Variants in NKAIN2 observed in about 807,000 individuals in gnomAD.
NKAIN2 encodes sodium/potassium transporting ATPase interacting 2.
NKAIN2 carries 14 observed loss-of-function variants against 32.6 expected under a neutral mutation model. The observed-to-expected ratio is 0.43, with a 90% CI of 0.28 to 0.67. The LOEUF (loss-of-function observed/expected upper bound fraction) is 0.67. NKAIN2 is among the 30% of genes least tolerant of loss of function. The pLI, the probability that NKAIN2 is intolerant of heterozygous loss-of-function variation, is 0.17. For synonymous variants in NKAIN2, 80 were observed against 87.2 expected, an observed-to-expected ratio of 0.92 and a Z score of 0.46; for missense variants, 198 against 258.3, an observed-to-expected ratio of 0.77 and a Z score of 1.60.
At chr6:124,390,285 C>T (rs1350502556) in intron 3 of NKAIN2, among the ~76,000 whole-genome samples, 1 of 152,024 alleles carries the variant, frequency 6.6e-6, no homozygotes, top group Non-Finnish European at 1.5e-5. Flanking sequence ...ACTCAGGGAG[C>T]TTGGGACATG....
intron 2 of NKAIN2, among the ~76,000 whole-genome samples, chr6:124,330,502 T>C (rs1242737608): frequency 6.6e-6 from 1 of 152,176 alleles, no homozygotes; most frequent in African/African-American, 2.4e-5. Flanking sequence ...CCTGGTAGCC[T>C]TGTACCTCCA....
intron 1 of NKAIN2, among the ~76,000 whole-genome samples, chr6:123,916,019 G>T (rs1582772732): frequency 6.6e-6 from 1 of 152,194 alleles, no homozygotes; most frequent in Non-Finnish European, 1.5e-5. Context: ...ATTTCCCAAA[G>T]CTCTTTTTAA....
intron 4 of NKAIN2, among the ~76,000 whole-genome samples, chr6:124,767,757 G>A (rs1778575123): frequency 6.6e-6 from 1 of 151,940 alleles, no homozygotes; most frequent in Admixed American, 6.6e-5. Flanking sequence ...TAAGGGTGTG[G>A]TTTTCTGCTT....
intron 3 of NKAIN2, among the ~76,000 whole-genome samples, chr6:124,427,023 C>T (rs923670927): frequency 1.3e-5 from 2 of 152,054 alleles, no homozygotes; most frequent in African/African-American, 4.8e-5. Context: ...TTATCAGGAG[C>T]CTGGAAATGG....
In NKAIN2 at chr6:124,514,657, T is replaced by C. The variant is rs1221485647; in HGVS notation, c.274-143529T>C. Among the ~76,000 whole-genome samples, 5 of 151,684 alleles carry C rather than the reference T, an allele frequency of 3.3e-5. No homozygotes were observed. The East Asian group carries it at 9.7e-4, about 29-fold the overall frequency. ...CCCCAGATTCAGAAGGGTTCTCCAG[T>C]AAGTAGAAAGTTTCAAGGACTGACA... On this transcript the variant is annotated intron_variant, in intron 3 of 6. Transcript: ENST00000368417.
intron 3 of NKAIN2, among the ~76,000 whole-genome samples, chr6:124,642,694 T>A (rs1397784239): frequency 6.6e-6 from 1 of 152,186 alleles, no homozygotes; most frequent in Admixed American, 6.5e-5. Context: ...TCATCATGGA[T>A]TTTCCTATTT....
intron 4 of NKAIN2, among the ~76,000 whole-genome samples, chr6:124,660,535 A>G (rs555985061): frequency 3.9e-5 from 6 of 152,334 alleles, no homozygotes; most frequent in Non-Finnish European, 7.3e-5. Flanking sequence ...ATTGCTAAGA[A>G]CAGATGTGAC....
At chr6:123,967,394 G>A in intron 1 of NKAIN2, among the ~76,000 whole-genome samples, 1 of 152,200 alleles carries the variant, frequency 6.6e-6, no homozygotes, top group East Asian at 1.9e-4. Context: ...AGTTCACTGG[G>A]AAGCCAGCTA....
At chr6:124,099,354 G>A (rs1784780190) in intron 1 of NKAIN2, among the ~76,000 whole-genome samples, 1 of 152,136 alleles carries the variant, frequency 6.6e-6, no homozygotes, top group African/African-American at 2.4e-5. Flanking sequence ...GCTTCTAGAT[G>A]TTAAAAATGT....
intron 1 of NKAIN2, among the ~76,000 whole-genome samples, chr6:123,990,469 T>A (rs148560835): frequency 2.0e-4 from 30 of 152,278 alleles, no homozygotes; most frequent in Non-Finnish European, 3.5e-4. Context: ...TAAAACCAGA[T>A]TAGGAGGTTA....
chr6:124,548,203 TATAA>T (rs1209237751), intron 3 of NKAIN2, among the ~76,000 whole-genome samples: 5 of 152,200 alleles, frequency 3.3e-5, no homozygotes, highest in African/African-American at 9.6e-5. Context: ...AGGAATAAAG[TATAA>T]ATAATCTCAT....
At chr6:124,402,826 A>G (rs1162789685) in intron 3 of NKAIN2, among the ~76,000 whole-genome samples, 1 of 152,190 alleles carries the variant, frequency 6.6e-6, no homozygotes, top group Non-Finnish European at 1.5e-5. Context: ...AAGGAAGGTA[A>G]AGGTGGAAAA....
At chr6:124,743,625 T>C (rs1180109981) in intron 4 of NKAIN2, among the ~76,000 whole-genome samples, 1 of 151,864 alleles carries the variant, frequency 6.6e-6, no homozygotes, top group East Asian at 1.9e-4. Context: ...CTCTGAGATA[T>C]GTGCAAAGCT....
At chr6:124,509,036 C>G (rs763363668) in intron 3 of NKAIN2, among the ~76,000 whole-genome samples, 9 of 152,172 alleles carry the variant, frequency 5.9e-5, no homozygotes, top group Non-Finnish European at 1.0e-4. Context: ...TGCCCTGCGG[C>G]TTAGGACTTC....
chr6:124,412,759 C>G (rs1380072946), intron 3 of NKAIN2, among the ~76,000 whole-genome samples: 2 of 152,134 alleles, frequency 1.3e-5, no homozygotes, highest in African/African-American at 2.4e-5. Flanking sequence ...TTGTCTGTGC[C>G]CTGCCCCCAG....
At chr6:124,644,254 C>T (rs1474581395) in intron 3 of NKAIN2, among the ~76,000 whole-genome samples, 1 of 152,082 alleles carries the variant, frequency 6.6e-6, no homozygotes, top group Non-Finnish European at 1.5e-5. Context: ...GATTTTTTAT[C>T]ACTATGCTGA....
chr6:124,289,258 A>C (rs979151390), intron 2 of NKAIN2, among the ~76,000 whole-genome samples: 17 of 152,254 alleles, frequency 1.1e-4, no homozygotes, highest in African/African-American at 2.6e-4. Context: ...TTTTTGTTTT[A>C]CTACATTTTT....
intron 1 of NKAIN2, among the ~76,000 whole-genome samples, chr6:123,967,774 C>A (rs765854681): frequency 2.6e-5 from 4 of 152,096 alleles, no homozygotes; most frequent in Non-Finnish European, 5.9e-5. Context: ...TACACTTTCT[C>A]CTTTTAAGTA....
chr6:124,618,283 G>A (rs1231464505), intron 3 of NKAIN2, among the ~76,000 whole-genome samples: 1 of 152,120 alleles, frequency 6.6e-6, no homozygotes, highest in East Asian at 1.9e-4. Context: ...TTCAAGACCA[G>A]CCTGGCCAAA....
Sources: gnomAD v4.1 joint callset for allele counts (sites outside exome capture counted in the v4.1 genomes callset) on GRCh38, gnomAD v4.1.1 for gene constraint, MANE v1.5 for transcripts, NCBI Gene and HGNC (gene_info 2026-07-23, HGNC 2026-07-21) for gene names.